The following KCNAB3 variants were observed in gnomAD, a reference collection of about 807,000 sequenced individuals.
KCNAB3 encodes the protein potassium voltage-gated channel subfamily A regulatory beta subunit 3, also known as voltage-gated potassium channel subunit beta-3.
A neutral mutation model predicts 67.7 loss-of-function variants in KCNAB3; 62 were observed. The observed-to-expected ratio is 0.92, with a 90% CI of 0.75 to 1.13. KCNAB3 has a LOEUF of 1.13. KCNAB3 is among the 50% of genes most tolerant of loss of function. The pLI is 0.00. For missense variants in KCNAB3, 514 were observed against 522.9 expected (o/e 0.98, Z 0.17); for synonymous variants, 212 against 205.4 (o/e 1.03, Z -0.27).
chr17:7,929,387 T>C lies in KCNAB3; in HGVS notation c.49A>G (p.Ser17Gly), dbSNP rs1470065088. The C allele has an allele frequency of 1.3e-6, 2 of 1,548,448 alleles. No homozygotes were observed. The highest frequency in any genetic ancestry group is 1.7e-6 in the Non-Finnish European group (2 of 1,146,438). ...CGGGGTCCACACAGACGGTCCTCAC[T>C]GCTCCGGCTGCGAAGGTTCTGCTCG... ...CTEQNLRSRS[S>G]EDRLCGPRPG... Residue 17 changes from serine (S) to glycine (G), a missense_variant, in exon 1 of 14, where the codon AGT (serine) becomes GGT (glycine). By Grantham distance (56) the Ser-to-Gly change is moderately conservative (BLOSUM62 0). Transcript: ENST00000303790. This position sits in a 1 kb window ranked among gnomAD's most constrained non-coding sequence, Gnocchi z 5.7.
intron 13 of KCNAB3, 36 bp downstream of exon 13, chr17:7,923,420 G>T: frequency 6.3e-7 from 1 of 1,580,548 alleles, no homozygotes; most frequent in Non-Finnish European, 8.6e-7. Context: ...CTGGGGAGGG[G>T]GACAGATAGG....
chr17:7,925,567 C>A, intron 7 of KCNAB3, 116 bp downstream of exon 7: 1 of 950,756 alleles, frequency 1.1e-6, no homozygotes, highest in Admixed American at 2.0e-5. Flanking sequence ...CAGACCTTGC[C>A]CCCTTGCCAT....
chr17:7,926,782 C>G (rs1029064289), intron 4 of KCNAB3, among the ~76,000 whole-genome samples: 1 of 152,168 alleles, frequency 6.6e-6, no homozygotes, highest in South Asian at 2.1e-4. Context: ...TGTGTGGGTA[C>G]TTGGGGAAGA....
At position 7,929,827 on chromosome 17, in the gene KCNAB3, T is replaced by A. The variant is rs1972367094; in HGVS notation, c.-392A>T. ...CGAACCGCTGCGGGACCCGCTGGGCTCCCAGCCGCGTCGGCAGCGGGCCCA... is the reference window on the plus strand; with the variant it reads ...CGAACCGCTGCGGGACCCGCTGGGCACCCAGCCGCGTCGGCAGCGGGCCCA... On this transcript the variant is annotated 5_prime_UTR_variant, in exon 1 of 14. Coordinates refer to ENST00000303790, the MANE Select transcript of KCNAB3 (RefSeq NM_004732.4). The surrounding 1 kb of genome is among the most constrained non-coding windows in gnomAD (Gnocchi z 5.7). 1.9e-6 allele frequency: 2 copies of A among 1,026,582 alleles called. No individual in the cohort carries two copies. Among genetic ancestry groups the A allele is most frequent in the African/African-American group, 1.7e-5 (1 of 57,546 alleles). The allele number at this position is 1,026,582 out of a possible 1,614,324, so 63.6% of individuals were successfully genotyped here.
At chr17:7,925,782 G>A in intron 6 of KCNAB3, 56 bp from the exon 7 acceptor site, 1 of 1,609,658 alleles carries the variant, frequency 6.2e-7, no homozygotes, top group Non-Finnish European at 8.5e-7. Context: ...GACCGGGGCT[G>A]GCTTGGAGCC....
Position 7,923,842 on chromosome 17 carries a change from A to G in KCNAB3, c.928-11T>C. 1.3e-6 allele frequency: 2 copies of G among 1,568,234 alleles called. No homozygotes were observed. The highest frequency in any genetic ancestry group is 1.2e-5 in the South Asian group (1 of 86,058). ...GAGCCACTGGTAGCCCTGGAGGCCAAGAAGAATCAACAGAAGACCCCGCCA... is the reference window on the plus strand; with the variant it reads ...GAGCCACTGGTAGCCCTGGAGGCCAGGAAGAATCAACAGAAGACCCCGCCA... On this transcript the variant is annotated splice_polypyrimidine_tract_variant and intron_variant, in intron 11 of 13. Coordinates refer to ENST00000303790, the MANE Select transcript of KCNAB3 (RefSeq NM_004732.4).
Position 7,922,043 on chromosome 17 carries a change from C to T in KCNAB3, c.*1059G>A, listed in dbSNP as rs926514250. 3 of 152,102 alleles carry T rather than the reference C, an allele frequency of 2.0e-5. No individual in the cohort carries two copies. The highest frequency in any genetic ancestry group is 7.3e-5 in the African/African-American group (3 of 41,378). 9.4% of individuals were successfully genotyped at this position (152,102 alleles called of 1,614,324 possible). ...CTTGATGAGAACAGTGACTAGGAGC[C>T]CGATGCCTGGGTCACCAAGGTGAAT... On this transcript the variant is annotated 3_prime_UTR_variant, in exon 14 of 14. Coordinates refer to ENST00000303790, the MANE Select transcript of KCNAB3 (RefSeq NM_004732.4).
intron 1 of KCNAB3, among the ~76,000 whole-genome samples, chr17:7,928,505 A>G (rs1972310585): frequency 6.6e-6 from 1 of 152,026 alleles, no homozygotes; most frequent in African/African-American, 2.4e-5. Context: ...AATCAGGGCC[A>G]CCATATAGAG....
chr17:7,923,183 G>A lies in KCNAB3; in HGVS notation c.1138-4C>T. The A allele has an allele frequency of 6.2e-7, 1 of 1,614,088 alleles. No individual in the cohort carries two copies. Among genetic ancestry groups the A allele is most frequent in the African/African-American group, 1.3e-5 (1 of 75,058 alleles). The stretch of plus-strand genomic sequence containing the variant: ...GCGGGGTCAGCTGGCTCAGCACCTG[G>A]AGGAGAGTGGGACGGTGGCGACGGC... On this transcript the variant is annotated splice_polypyrimidine_tract_variant and splice_region_variant and intron_variant, in intron 13 of 13. Coordinates refer to ENST00000303790, the MANE Select transcript of KCNAB3 (RefSeq NM_004732.4).
chr17:7,923,597 G>T lies in KCNAB3; in HGVS notation c.1049-53C>A, dbSNP rs183525730. 21 of 1,560,638 alleles carry T rather than the reference G, an allele frequency of 1.3e-5. No homozygotes were observed. In the Middle Eastern group the frequency reaches 6.9e-4, roughly 51 times the overall value. The stretch of plus-strand genomic sequence containing the variant: ...ACTGATGGGGAACAGTGACCACATA[G>T]ATTTCAGAAGTGTCTCTGAAGACAA... On this transcript the variant is annotated intron_variant, in intron 12 of 13. Coordinates refer to ENST00000303790, the MANE Select transcript of KCNAB3 (RefSeq NM_004732.4).
In KCNAB3 at chr17:7,929,321, C is replaced by T. The variant is rs766517204; in HGVS notation, c.115G>A (p.Gly39Arg). The T allele has an allele frequency of 9.7e-6, 15 of 1,552,772 alleles. No individual in the cohort carries two copies. The highest frequency in any genetic ancestry group is 4.1e-5 in the African/African-American group (3 of 73,094). ...CCACCCCCCGGAGGATTCCCGTGCC[C>T]CCCGCCGGCCGGCCCACCATTACCG... Reference protein sequence around the residue: ...GGGNGGPAGGGHGNPPGGGGS... With the variant: ...GGGNGGPAGGRHGNPPGGGGS... The change falls in exon 1 of 14, where the codon GGG becomes AGG. Residue 39 changes from glycine to arginine, a missense_variant. Gly to Arg is a moderately radical substitution (Grantham distance 125, BLOSUM62 -2). Coordinates refer to ENST00000303790, the MANE Select transcript of KCNAB3 (RefSeq NM_004732.4). The surrounding 1 kb of genome is among the most constrained non-coding windows in gnomAD (Gnocchi z 5.7).
In KCNAB3 at chr17:7,929,006, C is replaced by G. The variant is rs1479668218; in HGVS notation, c.242+188G>C. ...AGTCAACCTTGGTAAACTTGATTCT[C>G]GTAGTCAGGGGTATCGACAGAAACC... On this transcript the variant is annotated intron_variant, in intron 1 of 13. Coordinates refer to ENST00000303790, the MANE Select transcript of KCNAB3 (RefSeq NM_004732.4). This position sits in a 1 kb window ranked among gnomAD's most constrained non-coding sequence, Gnocchi z 5.7. The G allele has an allele frequency of 1.1e-6, 1 of 911,614 alleles. No individual in the cohort carries two copies. Among genetic ancestry groups the G allele is most frequent in the Non-Finnish European group, 1.6e-6 (1 of 617,998 alleles). 56.5% of individuals were successfully genotyped at this position (911,614 alleles called of 1,614,324 possible).
Position 7,928,210 on chromosome 17 carries a change from G to A in KCNAB3, c.243-384C>T, listed in dbSNP as rs151071273. 458 of 336,082 alleles carry A rather than the reference G, an allele frequency of 1.4e-3. 3 individuals carry two copies. The highest frequency in any genetic ancestry group is 9.1e-3 in the African/African-American group (436 of 47,694). 20.8% of individuals were successfully genotyped at this position (336,082 alleles called of 1,614,324 possible). On this transcript the variant is annotated intron_variant, in intron 1 of 13. Coordinates refer to ENST00000303790, the MANE Select transcript of KCNAB3 (RefSeq NM_004732.4). ...GATTGTGGTGAGTTTGTGAGACCAG[G>A]CCCTCAGGCAGAGTGCTGTGCCAAA...
At position 7,925,980 on chromosome 17, in the gene KCNAB3, AAG is replaced by A. The variant is rs1972216566; in HGVS notation, c.450-7_450-6del. 1.2e-6 allele frequency: 2 copies of A among 1,613,702 alleles called. No individual in the cohort carries two copies. Among genetic ancestry groups the A allele is most frequent in the African/African-American group, 2.7e-5 (2 of 74,840 alleles). On this transcript the variant is annotated splice_region_variant and splice_polypyrimidine_tract_variant and intron_variant, in intron 5 of 13. Coordinates refer to ENST00000303790, the MANE Select transcript of KCNAB3 (RefSeq NM_004732.4). ...GTGATGACATAGCTTGATCTCCTGGAAGAATAGAAATGGGAGAACCAGTAAGA... is the reference window on the plus strand; with the variant it reads ...GTGATGACATAGCTTGATCTCCTGGAAATAGAAATGGGAGAACCAGTAAGA...
chr17:7,923,255 G>A, intron 13 of KCNAB3, 76 bp from the exon 14 acceptor site: 1 of 1,460,182 alleles, frequency 6.8e-7, no homozygotes, highest in Non-Finnish European at 9.6e-7. Context: ...CCAGTAGCCG[G>A]GGAAGCACCA....
rs758221210 is a variant in KCNAB3, at chr17:7,924,259, A to G, written c.718T>C (p.Tyr240His). ...AGATTGAACTGTCTGGCCATGGAGT[A>G]GGCCTCCTGGGTTGGGGTTGGGGAA... Reference protein sequence around the residue: ...RWGAAEIMEAYSMARQFNLIP... With the variant: ...RWGAAEIMEAHSMARQFNLIP... The change falls in exon 10 of 14, where the codon TAC becomes CAC. Residue 240 changes from tyrosine to histidine, a missense_variant. Physicochemically the swap from Tyr to His is moderately conservative, Grantham distance 83. Coordinates refer to ENST00000303790, the MANE Select transcript of KCNAB3 (RefSeq NM_004732.4). 2 of 1,614,040 alleles carry G rather than the reference A, an allele frequency of 1.2e-6. No individual in the cohort carries two copies. The highest frequency in any genetic ancestry group is 1.7e-6 in the Non-Finnish European group (2 of 1,180,024).
chr17:7,927,387 C>A lies in KCNAB3; in HGVS notation c.361G>T (p.Gly121Cys). 6.2e-7 allele frequency: 1 copy of A among 1,613,934 alleles called. No homozygotes were observed. Among genetic ancestry groups the A allele is most frequent in the Non-Finnish European group, 8.5e-7 (1 of 1,180,002 alleles). ...TCGGCGGTGTCAAACAGGTTTACACCATGCTCATAGGCTACAGTCAGCACA... is the reference window on the plus strand; with the variant it reads ...TCGGCGGTGTCAAACAGGTTTACACAATGCTCATAGGCTACAGTCAGCACA... ...EDVLTVAYEHGVNLFDTAEVY... is the reference protein window; with the variant it reads ...EDVLTVAYEHCVNLFDTAEVY... The change falls in exon 4 of 14, where the codon GGT becomes TGT. Residue 121 changes from glycine (G) to cysteine (C), a missense_variant. Physicochemically the swap from Gly to Cys is radical, Grantham distance 159. Transcript: ENST00000303790.
intron 1 of KCNAB3, among the ~76,000 whole-genome samples, chr17:7,928,694 A>C (rs540440640): frequency 6.6e-6 from 1 of 152,254 alleles, no homozygotes; most frequent in East Asian, 1.9e-4. Context: ...TGGAGATGAA[A>C]AATGTGGTCC....
intron 4 of KCNAB3, 138 bp from the exon 5 acceptor site, chr17:7,926,241 A>C: frequency 1.1e-6 from 1 of 876,030 alleles, no homozygotes. Flanking sequence ...TCCTGGACAA[A>C]ATAAGAGGTC....
Sources: gnomAD v4.1 joint callset for allele counts (sites outside exome capture counted in the v4.1 genomes callset) on GRCh38, gnomAD v4.1.1 for gene constraint, Gnocchi (gnomAD v3.1) non-coding constraint, MANE v1.5 for transcripts, NCBI Gene and HGNC (gene_info 2026-07-23, HGNC 2026-07-21) for gene names.